The following ERBB4 variants were observed in gnomAD, a reference collection of about 807,000 sequenced individuals.
ERBB4 encodes receptor tyrosine-protein kinase erbB-4.
Under a neutral mutation model 158.0 loss-of-function variants are expected in ERBB4, and 42 were observed. That is an observed-to-expected ratio of 0.27 (90% CI 0.21 to 0.34). The LOEUF (loss-of-function observed/expected upper bound fraction) is 0.34, where lower values mean the gene tolerates loss of function less well. Ranked by LOEUF, ERBB4 falls within the 10% of genes least tolerant of loss-of-function variation. ERBB4 has a pLI of 1.00. For synonymous variants in ERBB4, 583 were observed against 558.7 expected (o/e 1.04, Z -0.61); for missense variants, 1,333 against 1,624.1 (o/e 0.82, Z 3.08).
At chr2:211,422,488 CAAA>C (rs57602784) in intron 23 of ERBB4, among the ~76,000 whole-genome samples, 2,636 of 102,366 alleles carry the variant, frequency 0.026, 36 homozygotes, top group African/African-American at 0.083. Context: ...TCCTGGTGGA[CAAA>C]AAAAAAAAAA....
At chr2:211,602,895 T>C (rs1019988219) in intron 19 of ERBB4, among the ~76,000 whole-genome samples, 10 of 152,116 alleles carry the variant, frequency 6.6e-5, no homozygotes, top group African/African-American at 2.4e-4. Flanking sequence ...ACCTAGATAT[T>C]ACCCATCCAG....
intron 1 of ERBB4, among the ~76,000 whole-genome samples, chr2:212,267,533 C>A (rs1021917): frequency 6.6e-6 from 1 of 150,768 alleles, no homozygotes; most frequent in Admixed American, 6.6e-5. Flanking sequence ...AATAAGGTAT[C>A]TTCATTGGTT....
intron 19 of ERBB4, among the ~76,000 whole-genome samples, chr2:211,582,659 G>T (rs2068139626): frequency 6.6e-6 from 1 of 152,022 alleles, no homozygotes; most frequent in Admixed American, 6.6e-5. Flanking sequence ...CATATATTCA[G>T]AGTAATTATT....
At chr2:211,385,616 T>C (rs1185647320) in intron 27 of ERBB4, among the ~76,000 whole-genome samples, 1 of 152,184 alleles carries the variant, frequency 6.6e-6, no homozygotes, top group African/African-American at 2.4e-5. Flanking sequence ...TTCTGTACTC[T>C]CTGAGTACGA....
intron 1 of ERBB4, among the ~76,000 whole-genome samples, chr2:212,534,790 A>G (rs1395841240): frequency 1.3e-5 from 2 of 152,232 alleles, no homozygotes; most frequent in Admixed American, 1.3e-4. Context: ...ATGAAAGCTC[A>G]TGAATACTAC....
chr2:212,219,292 G>A (rs2083208696), intron 1 of ERBB4, among the ~76,000 whole-genome samples: 1 of 151,306 alleles, frequency 6.6e-6, no homozygotes, highest in African/African-American at 2.4e-5. Flanking sequence ...ATTATAAATG[G>A]TAGGGTGAAG....
At chr2:211,782,865 T>G (rs2076070809) in intron 4 of ERBB4, among the ~76,000 whole-genome samples, 1 of 152,180 alleles carries the variant, frequency 6.6e-6, no homozygotes, top group Non-Finnish European at 1.5e-5. Context: ...GGCTCTTTTT[T>G]GGTTCCATAT....
intron 2 of ERBB4, among the ~76,000 whole-genome samples, chr2:212,056,233 G>A (rs1245083598): frequency 6.6e-6 from 1 of 152,158 alleles, no homozygotes; most frequent in African/African-American, 2.4e-5. Context: ...AGAGAAAAAA[G>A]AGTAAAAAGA....
rs374364562 is a variant in ERBB4 at position 211,457,576 on chromosome 2, C to T, written c.2488-26476G>A. Among the ~76,000 whole-genome samples, 13 of 152,310 alleles carry T rather than the reference C, an allele frequency of 8.5e-5. No individual in the cohort carries two copies. The East Asian group carries it at 1.4e-3, about 16-fold the overall frequency. The stretch of plus-strand genomic sequence containing the variant: ...GAGCCTTGAATATGAGCTGGTAGGG[C>T]TGAGGCCTTCACTTGAGTCAACAAC... On this transcript the variant is annotated intron_variant, in intron 20 of 27. Transcript: ENST00000342788.
chr2:212,038,523 C>G (rs2077066636), intron 2 of ERBB4, among the ~76,000 whole-genome samples: 1 of 152,126 alleles, frequency 6.6e-6, no homozygotes, highest in African/African-American at 2.4e-5. Flanking sequence ...TAAAATATCT[C>G]TACCTAAGAC....
intron 5 of ERBB4, among the ~76,000 whole-genome samples, chr2:211,738,887 C>T (rs2074698516): frequency 1.3e-5 from 2 of 152,118 alleles, no homozygotes; most frequent in African/African-American, 4.8e-5. Flanking sequence ...GATCCACCTG[C>T]CTTGGCCTCC....
Position 212,192,176 on chromosome 2 carries a change from TA to T in ERBB4, c.83-67274del, listed in dbSNP as rs1255114754. 5.2e-4 allele frequency among the ~76,000 whole-genome samples: 76 copies of T among 146,330 alleles called. 2 individuals are homozygous for T. The South Asian group carries it at 0.016, about 31-fold the overall frequency. ...ATATTATATTATATGTGTTATATAT[TA>T]TATATATAATATTAGATATATATAT... is the stretch of plus-strand genomic sequence containing the variant. On this transcript the variant is annotated intron_variant, in intron 1 of 27. Transcript: ENST00000342788.
intron 2 of ERBB4, among the ~76,000 whole-genome samples, chr2:212,078,325 C>T (rs1019863957): frequency 6.6e-6 from 1 of 151,780 alleles, no homozygotes; most frequent in Non-Finnish European, 1.5e-5. Flanking sequence ...AGAGACTTTA[C>T]GTAAACTATA....
At chr2:211,866,042 G>C (rs907146666) in intron 3 of ERBB4, among the ~76,000 whole-genome samples, 1 of 152,104 alleles carries the variant, frequency 6.6e-6, no homozygotes, top group Admixed American at 6.5e-5. Flanking sequence ...AAACTATCAG[G>C]AGAACGAGAC....
intron 20 of ERBB4, among the ~76,000 whole-genome samples, chr2:211,508,481 T>A (rs1344774205): frequency 2.0e-5 from 3 of 152,122 alleles, no homozygotes. Flanking sequence ...AAACAACAGA[T>A]GCCGGAGAGG....
intron 16 of ERBB4, among the ~76,000 whole-genome samples, chr2:211,655,086 A>G (rs1018432876): frequency 2.0e-5 from 3 of 152,196 alleles, no homozygotes; most frequent in African/African-American, 4.8e-5. Flanking sequence ...TAAGGACTAT[A>G]AGTGATCTAT....
At chr2:211,503,918 C>T (rs532810995) in intron 20 of ERBB4, among the ~76,000 whole-genome samples, 1 of 152,214 alleles carries the variant, frequency 6.6e-6, no homozygotes, top group East Asian at 1.9e-4. Flanking sequence ...ATTGATCCCA[C>T]CCTTTCCTGA....
chr2:211,861,062 AATATAATAT>A (rs2078014680), intron 3 of ERBB4, among the ~76,000 whole-genome samples: 2 of 34,048 alleles, frequency 5.9e-5, no homozygotes, highest in Non-Finnish European at 1.2e-4. Flanking sequence ...TATATATATA[AATATAATAT>A]ATTTATATAT....
chr2:211,423,368 C>A (rs1397441386), intron 23 of ERBB4, among the ~76,000 whole-genome samples: 1 of 151,870 alleles, frequency 6.6e-6, no homozygotes, highest in African/African-American at 2.4e-5. Context: ...TGCTTATTCA[C>A]CTTCACAAGT....
Sources: gnomAD v4.1 joint callset for allele counts (sites outside exome capture counted in the v4.1 genomes callset) on GRCh38, gnomAD v4.1.1 for gene constraint, MANE v1.5 for transcripts, NCBI Gene and HGNC (gene_info 2026-07-23, HGNC 2026-07-21) for gene names.